Variants in IFT140 observed in about 807,000 individuals in gnomAD.
IFT140 encodes intraflagellar transport protein 140 homolog.
A neutral mutation model predicts 164.6 loss-of-function variants in IFT140; 133 were observed. The observed-to-expected ratio is 0.81, with a 90% CI of 0.70 to 0.93. IFT140 has a LOEUF of 0.93. IFT140 is among the 40% of genes least tolerant of loss of function. The probability of loss-of-function intolerance (pLI) is 0.00; values close to 1 mark genes in which losing one functional copy is unlikely to be tolerated. For synonymous variants in IFT140, 860 were observed against 817.3 expected (o/e 1.05, Z -0.89); for missense variants, 2,045 against 1,972.3 (o/e 1.04, Z -0.70).
chr16:1,601,888 T>C (rs141175068), intron 4 of IFT140, among the ~76,000 whole-genome samples: 2 of 152,352 alleles, frequency 1.3e-5, no homozygotes, highest in Non-Finnish European at 2.9e-5. Flanking sequence ...CTGCCATATA[T>C]TTGTGATTCA....
Position 1,580,904 on chromosome 16 carries a change from G to A in IFT140, c.1433-54C>T. 2.5e-6 allele frequency: 3 copies of A among 1,200,396 alleles called. No individual in the cohort carries two copies. In the Admixed American group the frequency reaches 5.1e-5, roughly 20 times the overall value. The allele number at this position is 1,200,396 out of a possible 1,614,324, so 74.4% of individuals were successfully genotyped here. On this transcript the variant is annotated intron_variant, in intron 12 of 30. Coordinates refer to ENST00000426508, the MANE Select transcript of IFT140 (RefSeq NM_014714.4). ...CGGCCGCTCATCCGCCAGACTTGCT[G>A]GGAGTTTCAGGAGCATTCCCACACA... is the stretch of plus-strand genomic sequence containing the variant.
At chr16:1,517,243 G>A (rs1157205385) in intron 30 of IFT140, among the ~76,000 whole-genome samples, 1 of 152,034 alleles carries the variant, frequency 6.6e-6, no homozygotes, top group African/African-American at 2.4e-5. Flanking sequence ...CCAGCTACTT[G>A]GGAGGCTGAG....
chr16:1,564,069 G>C lies in IFT140; in HGVS notation c.1995C>G (p.Ala665=), dbSNP rs200653061. ...GCTGGGAGCGCGGCGTCTCCTGCAC[G>C]GCTTCGCATACAAACAGCCGGGGCT... The part of the protein sequence containing the change: ...QSEPRLFVCE[A]VQETPRSQPQ... The change falls in exon 17 of 31, where the codon GCC becomes GCG. Residue 665 remains alanine, a synonymous_variant. Coordinates refer to ENST00000426508, the MANE Select transcript of IFT140 (RefSeq NM_014714.4). The surrounding 1 kb of genome is among the most constrained non-coding windows in gnomAD (Gnocchi z 5.5). 1 of 1,604,528 alleles carries C rather than the reference G, an allele frequency of 6.2e-7. No individual in the cohort carries two copies. Among genetic ancestry groups the C allele is most frequent in the South Asian group, 1.1e-5 (1 of 90,596 alleles).
At chr16:1,526,412 C>T (rs969818663) in intron 20 of IFT140, 26 of 625,442 alleles carry the variant, frequency 4.2e-5, no homozygotes, top group Non-Finnish European at 6.8e-5. Context: ...CTGACAGGCA[C>T]ACACCCTGGA....
intron 19 of IFT140, chr16:1,541,453 G>T: frequency 1.0e-6 from 1 of 985,424 alleles, no homozygotes; most frequent in Non-Finnish European, 1.2e-6. Context: ...GAGCACGCAG[G>T]ACAGCACGCC....
At chr16:1,511,683 C>G in intron 30 of IFT140, among the ~76,000 whole-genome samples, 1 of 152,088 alleles carries the variant, frequency 6.6e-6, no homozygotes, top group African/African-American at 2.4e-5. Flanking sequence ...TAAGGAAGGC[C>G]TCAGCTGGGG....
At chr16:1,513,852 T>C (rs2040257679) in intron 30 of IFT140, among the ~76,000 whole-genome samples, 2 of 145,622 alleles carry the variant, frequency 1.4e-5, no homozygotes, top group Admixed American at 1.3e-4. Context: ...TTTTTGTATT[T>C]TTAGTAGAGA....
chr16:1,538,848 C>T (rs35521135), intron 19 of IFT140, among the ~76,000 whole-genome samples: 35,529 of 152,032 alleles, frequency 0.23, 4,381 homozygotes, highest in East Asian at 0.31. Context: ...CTGTGGAGTC[C>T]GTTGGAGCAG....
At chr16:1,513,927 C>T (rs536883611) in intron 30 of IFT140, among the ~76,000 whole-genome samples, 6 of 149,882 alleles carry the variant, frequency 4.0e-5, no homozygotes, top group Non-Finnish European at 7.4e-5. Flanking sequence ...CCCGCCTTGG[C>T]CTCCCAAAGT....
chr16:1,530,124 G>C (rs538926757), intron 19 of IFT140, among the ~76,000 whole-genome samples: 3 of 134,788 alleles, frequency 2.2e-5, no homozygotes, highest in Admixed American at 2.1e-4. Flanking sequence ...AAGACTTCAC[G>C]ACGGGAATCT....
At chr16:1,526,133 C>T (rs2040687873) in intron 20 of IFT140, 56 bp from the exon 21 acceptor site, 1 of 1,467,126 alleles carries the variant, frequency 6.8e-7, no homozygotes, top group Non-Finnish European at 9.2e-7. Context: ...ACGTCTCAAA[C>T]ACACTGTTCC....
intron 30 of IFT140, among the ~76,000 whole-genome samples, chr16:1,513,680 T>C (rs1321716270): frequency 1.3e-5 from 2 of 150,934 alleles, no homozygotes; most frequent in African/African-American, 2.4e-5. Flanking sequence ...TCTTTTTTTT[T>C]TTTTCTTTTT....
rs1323647622 is a variant in IFT140 at position 1,592,171 on chromosome 16, C to T, written c.634+5G>A. 1.5e-5 allele frequency: 25 copies of T among 1,614,000 alleles called. No homozygotes were observed. The highest frequency in any genetic ancestry group is 2.0e-5 in the Non-Finnish European group (24 of 1,180,020). ...CCCCTGAGAATCACAACCAAAGTTC[C>T]TCACCGTCCATCAGACTGACAAAGA... On this transcript the variant is annotated splice_donor_5th_base_variant and intron_variant, in intron 6 of 30. Transcript: ENST00000426508.
intron 19 of IFT140, among the ~76,000 whole-genome samples, chr16:1,544,019 CTT>C (rs768616715): frequency 1.8e-4 from 25 of 139,922 alleles, no homozygotes; most frequent in Admixed American, 2.1e-4. Context: ...CACTACATTT[CTT>C]TTTTTTTTTT....
chr16:1,533,858 G>A lies in IFT140; in HGVS notation c.2400-7062C>T, dbSNP rs2030770011. The A allele has an allele frequency of 5.3e-5, 14 of 265,856 alleles. No homozygotes were observed. In the South Asian group the frequency reaches 5.4e-4, roughly 10 times the overall value. 16.5% of individuals were successfully genotyped at this position (265,856 alleles called of 1,614,324 possible). A position where few individuals can be genotyped will look rare whatever the true frequency, so the allele number is the denominator to read the frequency against. On this transcript the variant is annotated intron_variant, in intron 19 of 30. Coordinates refer to ENST00000426508, the MANE Select transcript of IFT140 (RefSeq NM_014714.4). The surrounding 1 kb of genome is among the most constrained non-coding windows in gnomAD (Gnocchi z 4.7). ...GGAGCCTGGCACTCACAGCAGGCCG[G>A]TGCTAAGGAGTGTGGCGCGGGCTCG...
intron 4 of IFT140, among the ~76,000 whole-genome samples, chr16:1,597,310 C>T (rs1596450235): frequency 6.6e-6 from 1 of 152,322 alleles, no homozygotes; most frequent in East Asian, 1.9e-4. Flanking sequence ...GATTGCCCGC[C>T]TCCCTGGTTA....
At chr16:1,562,140 TTC>T in intron 17 of IFT140, 24 bp from the exon 18 acceptor site, 1 of 1,546,432 alleles carries the variant, frequency 6.5e-7, no homozygotes, top group Non-Finnish European at 8.7e-7. Flanking sequence ...AAAAGTACTG[TTC>T]TGTTTTTTTT....
intron 25 of IFT140, 33 bp from the exon 26 acceptor site, chr16:1,523,733 G>A (rs750949684): frequency 2.4e-5 from 39 of 1,606,940 alleles, no homozygotes; most frequent in African/African-American, 5.3e-5. Flanking sequence ...GCAGCTGCCC[G>A]AGGCCTGGGG....
At chr16:1,579,702 C>T (rs2034454899) in intron 13 of IFT140, among the ~76,000 whole-genome samples, 1 of 152,166 alleles carries the variant, frequency 6.6e-6, no homozygotes, top group South Asian at 2.1e-4. Context: ...CGTGGTGGCT[C>T]ACGCCTGTAA....
Sources: gnomAD v4.1 joint callset for allele counts (sites outside exome capture counted in the v4.1 genomes callset) on GRCh38, gnomAD v4.1.1 for gene constraint, Gnocchi (gnomAD v3.1) non-coding constraint, MANE v1.5 for transcripts, NCBI Gene and HGNC (gene_info 2026-07-23, HGNC 2026-07-21) for gene names.